The following CEP112 variants were observed in gnomAD, a reference collection of about 807,000 sequenced individuals.
The protein encoded by CEP112 is centrosomal protein 112.
A neutral mutation model predicts 153.0 loss-of-function variants in CEP112; 127 were observed. The ratio of observed to expected loss-of-function variants is 0.83; its 90% CI spans 0.72 to 0.96. The LOEUF (loss-of-function observed/expected upper bound fraction) is 0.96. CEP112 is among the 40% of genes least tolerant of loss of function. CEP112 has a pLI of 0.00. For synonymous variants in CEP112, 358 were observed against 374.4 expected (o/e 0.96, Z 0.51); for missense variants, 1,089 against 1,101.2 (o/e 0.99, Z 0.16).
chr17:65,863,007 CATATT>C (rs1208652198), intron 20 of CEP112, among the ~76,000 whole-genome samples: 3 of 151,936 alleles, frequency 2.0e-5, no homozygotes, highest in African/African-American at 7.3e-5. Flanking sequence ...TTCAGAATAA[CATATT>C]AGTAGTTCTA....
intron 19 of CEP112, among the ~76,000 whole-genome samples, chr17:65,923,760 A>T (rs2060817577): frequency 6.6e-6 from 1 of 152,168 alleles, no homozygotes; most frequent in African/African-American, 2.4e-5. Flanking sequence ...ATAGTCATGT[A>T]TAATCTTACA....
At chr17:66,141,589 C>T (rs1283252362) in intron 4 of CEP112, among the ~76,000 whole-genome samples, 1 of 152,098 alleles carries the variant, frequency 6.6e-6, no homozygotes, top group African/African-American at 2.4e-5. Context: ...AAGCCCCTGG[C>T]AGCTACCATT....
intron 21 of CEP112, among the ~76,000 whole-genome samples, chr17:65,815,760 C>T (rs554554974): frequency 9.2e-5 from 14 of 152,176 alleles, no homozygotes; most frequent in African/African-American, 3.1e-4. Flanking sequence ...TTGTAAATGG[C>T]TGATTTTAAA....
chr17:65,726,816 G>T (rs1323118162), intron 23 of CEP112, among the ~76,000 whole-genome samples: 5 of 152,082 alleles, frequency 3.3e-5, no homozygotes, highest in African/African-American at 1.2e-4. Flanking sequence ...ATGACATGCT[G>T]CACTCTTTTC....
chr17:65,649,073 A>ACACACACACACACACAC (rs2045597016), intron 24 of CEP112, among the ~76,000 whole-genome samples: 1 of 139,866 alleles, frequency 7.1e-6, no homozygotes, highest in Non-Finnish European at 1.6e-5. Context: ...CAAACAAACA[A>ACACACACACACACACAC]ACACACACAC....
chr17:65,779,737 G>A (rs913644879), intron 21 of CEP112, among the ~76,000 whole-genome samples: 4 of 152,078 alleles, frequency 2.6e-5, no homozygotes, highest in Admixed American at 2.6e-4. Context: ...TCAGGTTTTT[G>A]TCACTGCCTA....
intron 8 of CEP112, among the ~76,000 whole-genome samples, chr17:66,080,722 T>C (rs968840561): frequency 2.6e-5 from 4 of 152,210 alleles, no homozygotes; most frequent in South Asian, 2.1e-4. Context: ...TGTATGTTTA[T>C]TGCAGCACTG....
At chr17:66,118,627 A>T (rs1217669582) in intron 6 of CEP112, among the ~76,000 whole-genome samples, 1 of 152,148 alleles carries the variant, frequency 6.6e-6, no homozygotes, top group African/African-American at 2.4e-5. Flanking sequence ...AGCTAGATAG[A>T]AGGAATAAAA....
chr17:65,969,743 C>G (rs12939715), intron 17 of CEP112, among the ~76,000 whole-genome samples: 62,885 of 152,010 alleles, frequency 0.41, 14,387 homozygotes, highest in East Asian at 0.87. Flanking sequence ...CATGCATACA[C>G]TACACGAATG....
chr17:65,901,994 G>GGGA (rs2059876375), intron 20 of CEP112, among the ~76,000 whole-genome samples, 158 bp downstream of exon 20: 1 of 48,426 alleles, frequency 2.1e-5, no homozygotes, highest in Admixed American at 2.9e-4. Context: ...GGGGGGGGGG[G>GGGA]GGGGTGGGGG....
chr17:65,681,296 T>G (rs989416040), intron 24 of CEP112, among the ~76,000 whole-genome samples: 1 of 152,118 alleles, frequency 6.6e-6, no homozygotes, highest in Non-Finnish European at 1.5e-5. Context: ...TTTTCAATCC[T>G]CTTTGCATCC....
intron 18 of CEP112, among the ~76,000 whole-genome samples, chr17:65,957,372 C>T (rs1312300697): frequency 1.3e-5 from 2 of 152,192 alleles, no homozygotes; most frequent in Admixed American, 1.3e-4. Flanking sequence ...CCATGACTAT[C>T]TATGTCCATT....
At chr17:65,716,965 T>C (rs1411858204) in intron 23 of CEP112, among the ~76,000 whole-genome samples, 1 of 152,222 alleles carries the variant, frequency 6.6e-6, no homozygotes, top group African/African-American at 2.4e-5. Flanking sequence ...TCATTTATTA[T>C]TGCCATCCCC....
At chr17:65,719,855 C>G (rs1401077622) in intron 23 of CEP112, among the ~76,000 whole-genome samples, 1 of 152,170 alleles carries the variant, frequency 6.6e-6, no homozygotes, top group Non-Finnish European at 1.5e-5. Flanking sequence ...CTTGCGAGCG[C>G]ATCTGGGCTG....
Position 66,069,987 on chromosome 17 carries a change from T to A in CEP112, c.783A>T (p.Thr261=), listed in dbSNP as rs1230260374. Residue 261 remains threonine, a synonymous_variant, in exon 9 of 27, where the codon ACA becomes ACT. Transcript: ENST00000535342. ...RIREKELDMK[T]KMMEAKFHEE... is the part of the protein sequence containing the mutation. ...CATGAAATTTAGCTTCCATCATTTT[T>A]GTTTTCATGTCCAGCTTCAAGAAAA... The A allele has an allele frequency of 2.5e-6, 4 of 1,603,320 alleles. No individual in the cohort carries two copies. The highest frequency in any genetic ancestry group is 3.4e-6 in the Non-Finnish European group (4 of 1,172,710).
chr17:65,994,357 T>G (rs1399696075), intron 17 of CEP112, among the ~76,000 whole-genome samples: 1 of 152,184 alleles, frequency 6.6e-6, no homozygotes, highest in Non-Finnish European at 1.5e-5. Context: ...AGACAGGGTC[T>G]TGCTCTCTTA....
chr17:65,834,672 C>T (rs529347433), intron 21 of CEP112, among the ~76,000 whole-genome samples: 4 of 152,208 alleles, frequency 2.6e-5, no homozygotes, highest in South Asian at 4.2e-4. Flanking sequence ...GTCAGAATGG[C>T]TATTAGTAAA....
At chr17:65,988,461 T>C (rs1568343662) in intron 17 of CEP112, among the ~76,000 whole-genome samples, 1 of 152,210 alleles carries the variant, frequency 6.6e-6, no homozygotes, top group East Asian at 1.9e-4. Context: ...TGAAATGATA[T>C]GTGAACTCTC....
chr17:65,799,240 A>G (rs1451905388), intron 21 of CEP112, among the ~76,000 whole-genome samples: 2 of 152,212 alleles, frequency 1.3e-5, no homozygotes, highest in African/African-American at 4.8e-5. Context: ...TCTGTGGCTA[A>G]CAAGAATATC....
Sources: gnomAD v4.1 joint callset for allele counts (sites outside exome capture counted in the v4.1 genomes callset) on GRCh38, gnomAD v4.1.1 for gene constraint, MANE v1.5 for transcripts, NCBI Gene and HGNC (gene_info 2026-07-23, HGNC 2026-07-21) for gene names.